Variants in PPP2R5E observed in about 807,000 individuals in gnomAD.
The protein encoded by PPP2R5E is protein phosphatase 2 regulatory subunit B'epsilon, also known as serine/threonine-protein phosphatase 2A 56 kDa regulatory subunit epsilon isoform.
In PPP2R5E, 4 loss-of-function variants were observed where a neutral mutation model predicts 65.3. The observed-to-expected ratio is 0.06, with a 90% CI of 0.03 to 0.14. The LOEUF is 0.14. Ranked by LOEUF, PPP2R5E falls within the 10% of genes least tolerant of loss-of-function variation. The pLI is 1.00. For synonymous variants in PPP2R5E, 183 were observed against 187.4 expected (o/e 0.98, Z 0.19); for missense variants, 274 against 556.1 (o/e 0.49, Z 5.10).
intron 3 of PPP2R5E, among the ~76,000 whole-genome samples, chr14:63,448,806 A>C (rs1888652767): frequency 6.6e-6 from 1 of 151,492 alleles, no homozygotes; most frequent in Non-Finnish European, 1.5e-5. Context: ...AAAAAAAAAA[A>C]AGCAACCCCC....
intron 3 of PPP2R5E, among the ~76,000 whole-genome samples, chr14:63,430,385 A>ACATACATGCATG (rs1555359671): frequency 4.6e-4 from 65 of 140,900 alleles, no homozygotes; most frequent in African/African-American, 2.0e-3. Context: ...ATGCATACAT[A>ACATACATGCATG]CATACATACA....
rs112112757 is a variant in PPP2R5E, at chr14:63,418,188, T to A, written c.457-2956A>T. Among the ~76,000 whole-genome samples the A allele has an allele frequency of 1.5e-3, 234 of 152,286 alleles. 1 individual carries two copies. The highest frequency in any genetic ancestry group is 5.5e-3 in the African/African-American group (227 of 41,566). ...AATTGTTCCTTTTCTAATACACTCA[T>A]CTGTCAACTCTCAGTTTTACATACA... On this transcript the variant is annotated intron_variant, in intron 4 of 13. Transcript: ENST00000337537.
At chr14:63,382,033 AC>A (rs764247593) in intron 13 of PPP2R5E, 22 bp downstream of exon 13, 18 of 1,582,172 alleles carry the variant, frequency 1.1e-5, no homozygotes, top group Admixed American at 1.7e-5. Context: ...TGCACAGCTG[AC>A]AAAAAAGCTT....
At chr14:63,495,642 G>T (rs1891520746) in intron 2 of PPP2R5E, among the ~76,000 whole-genome samples, 1 of 151,760 alleles carries the variant, frequency 6.6e-6, no homozygotes, top group African/African-American at 2.4e-5. Flanking sequence ...AAGTCTAAAA[G>T]AATATATACT....
intron 2 of PPP2R5E, among the ~76,000 whole-genome samples, chr14:63,501,770 C>T (rs1019924313): frequency 6.6e-6 from 1 of 152,114 alleles, no homozygotes; most frequent in Non-Finnish European, 1.5e-5. Flanking sequence ...ATATTCAAAA[C>T]GGAACCATAC....
At chr14:63,533,274 G>A (rs936701816) in intron 2 of PPP2R5E, among the ~76,000 whole-genome samples, 17 of 148,908 alleles carry the variant, frequency 1.1e-4, no homozygotes, top group East Asian at 4.0e-4. Flanking sequence ...AAAAAGGCAC[G>A]AAAACGGCCG....
intron 2 of PPP2R5E, among the ~76,000 whole-genome samples, chr14:63,491,650 C>G (rs1482201726): frequency 6.6e-6 from 1 of 152,192 alleles, no homozygotes; most frequent in East Asian, 1.9e-4. Context: ...GAGATCGACA[C>G]CAGCCTGGCC....
Position 63,411,368 on chromosome 14 carries a change from A to G in PPP2R5E, c.549+3772T>C, listed in dbSNP as rs1886376481. ...GGAATTTCTAAAGGCTCCTATCTCA[A>G]CCCTGGCTAGTTTAACAACTTTTTC... On this transcript the variant is annotated intron_variant, in intron 5 of 13. Transcript: ENST00000337537. 1.3e-5 allele frequency among the ~76,000 whole-genome samples: 2 copies of G among 152,074 alleles called. 1 individual carries two copies. The highest frequency in any genetic ancestry group is 4.1e-4 in the South Asian group (2 of 4,822).
Position 63,506,883 on chromosome 14 carries a change from A to G in PPP2R5E, c.157+32646T>C, listed in dbSNP as rs141070821. Among the ~76,000 whole-genome samples, 905 of 152,366 alleles carry G rather than the reference A, an allele frequency of 5.9e-3. 7 individuals are homozygous for G. Among genetic ancestry groups the G allele is most frequent in the African/African-American group, 0.02 (848 of 41,574 alleles). On this transcript the variant is annotated intron_variant, in intron 2 of 13. Transcript: ENST00000337537. The stretch of plus-strand genomic sequence containing the variant: ...GCATTATCCATAATAGCCAAAAAGC[A>G]GAAACAACCCAAATGTTCATCAACT...
At chr14:63,381,998 G>T in intron 13 of PPP2R5E, 58 bp downstream of exon 13, 1 of 1,402,362 alleles carries the variant, frequency 7.1e-7, no homozygotes. Context: ...TCAGCAAAGA[G>T]CAAGGAAAAA....
chr14:63,467,061 C>T (rs757541243), intron 2 of PPP2R5E, among the ~76,000 whole-genome samples: 14 of 151,826 alleles, frequency 9.2e-5, no homozygotes, highest in Non-Finnish European at 1.9e-4. Context: ...CCCGTCTCTA[C>T]TAAAAATACA....
intron 2 of PPP2R5E, 25 bp from the exon 3 acceptor site, chr14:63,453,910 TA>T: frequency 7.0e-7 from 1 of 1,420,570 alleles, no homozygotes; most frequent in East Asian, 2.4e-5. Context: ...GGAAATGGTG[TA>T]AGTCTGTCAT....
chr14:63,460,881 C>A (rs1370992130), intron 2 of PPP2R5E, among the ~76,000 whole-genome samples: 2 of 152,160 alleles, frequency 1.3e-5, no homozygotes, highest in African/African-American at 2.4e-5. Context: ...AATATACTCA[C>A]ACGCACACAT....
chr14:63,388,950 G>A (rs1884843571), intron 11 of PPP2R5E, among the ~76,000 whole-genome samples: 1 of 152,118 alleles, frequency 6.6e-6, no homozygotes, highest in Non-Finnish European at 1.5e-5. Context: ...CCTCCTGTGT[G>A]GGTTCCACAG....
At chr14:63,540,239 T>C (rs915471219) in intron 1 of PPP2R5E, among the ~76,000 whole-genome samples, 1 of 151,858 alleles carries the variant, frequency 6.6e-6, no homozygotes, top group African/African-American at 2.4e-5. Flanking sequence ...GAGACTAGCC[T>C]GGCCAACATG....
intron 5 of PPP2R5E, among the ~76,000 whole-genome samples, chr14:63,403,795 G>GAA (rs561489540): frequency 8.0e-4 from 116 of 145,606 alleles, no homozygotes; most frequent in African/African-American, 2.8e-3. Flanking sequence ...GTTAAAAAAA[G>GAA]AAAAAAAAAA....
At chr14:63,517,371 G>A (rs1162722837) in intron 2 of PPP2R5E, among the ~76,000 whole-genome samples, 2 of 152,074 alleles carry the variant, frequency 1.3e-5, no homozygotes, top group Non-Finnish European at 2.9e-5. Context: ...TGGGCCCACA[G>A]GAATGCACAC....
intron 7 of PPP2R5E, 118 bp downstream of exon 7, chr14:63,395,108 G>A (rs1235187710): frequency 5.1e-6 from 4 of 783,828 alleles, no homozygotes; most frequent in South Asian, 1.7e-5. Context: ...AGGCACAAAT[G>A]AGAGAGACCC....
At chr14:63,539,986 A>C (rs1893821877) in intron 1 of PPP2R5E, among the ~76,000 whole-genome samples, 1 of 151,780 alleles carries the variant, frequency 6.6e-6, no homozygotes, top group Admixed American at 6.6e-5. Context: ...TTAGCCGGGC[A>C]TGATGGCAGG....
Sources: allele counts gnomAD v4.1 joint callset (sites outside exome capture counted in the v4.1 genomes callset), GRCh38; gene constraint gnomAD v4.1.1; transcripts MANE v1.5; gene names NCBI Gene and HGNC (gene_info 2026-07-23, HGNC 2026-07-21).